Variants in PCDHA13 observed in about 807,000 individuals in gnomAD.
PCDHA13 encodes protocadherin alpha-13.
Under a neutral mutation model 64.8 loss-of-function variants are expected in PCDHA13, and 54 were observed. The observed-to-expected ratio is 0.83, with a 90% CI of 0.67 to 1.04. PCDHA13 has a LOEUF of 1.04. Ranked by LOEUF, PCDHA13 falls within the 50% of genes least tolerant of loss-of-function variation. The probability of loss-of-function intolerance (pLI) is 0.00; values close to 1 mark genes in which losing one functional copy is unlikely to be tolerated. For synonymous variants in PCDHA13, 587 were observed against 564.4 expected (o/e 1.04, Z -0.57); for missense variants, 1,248 against 1,254.3 (o/e 0.99, Z 0.08).
chr5:140,884,734 C>A (rs1198575388), intron 1 of PCDHA13, 72 bp downstream of exon 1: 5 of 1,445,332 alleles, frequency 3.5e-6, no homozygotes, highest in Non-Finnish European at 4.6e-6. Flanking sequence ...TTTAAGACAT[C>A]TTTCCTGCCA....
At chr5:141,009,528 G>A in intron 3 of PCDHA13, 99 bp from the exon 4 acceptor site, 4 of 1,508,216 alleles carry the variant, frequency 2.7e-6, no homozygotes, top group Non-Finnish European at 3.5e-6. Flanking sequence ...TTCTGGGGAG[G>A]TTCAGCCTGC....
intron 1 of PCDHA13, among the ~76,000 whole-genome samples, chr5:140,951,450 C>A: frequency 6.6e-6 from 1 of 151,922 alleles, no homozygotes; most frequent in East Asian, 1.9e-4. Flanking sequence ...ATGATGCCGG[C>A]CATCTGCTTG....
chr5:140,959,525 C>G (rs1356711808), intron 1 of PCDHA13, among the ~76,000 whole-genome samples: 1 of 151,910 alleles, frequency 6.6e-6, no homozygotes, highest in Non-Finnish European at 1.5e-5. Flanking sequence ...TCTTTAAGAC[C>G]ATTAATTCAG....
At chr5:141,002,565 G>A (rs782803550) in intron 3 of PCDHA13, among the ~76,000 whole-genome samples, 9 of 152,196 alleles carry the variant, frequency 5.9e-5, no homozygotes, top group Non-Finnish European at 2.9e-5. Flanking sequence ...ACCAGTTAGT[G>A]ACCATGTGAC....
chr5:140,927,260 T>G, intron 1 of PCDHA13: 2 of 1,614,070 alleles, frequency 1.2e-6, no homozygotes, highest in Non-Finnish European at 1.7e-6. Flanking sequence ...AACTCACCTC[T>G]CTTTCCTGCC....
rs552420407 is a variant in PCDHA13, at chr5:140,883,937, G to A, written c.1669G>A (p.Asp557Asn). Reference sequence around the variant, plus strand: ...CGTGACGCTGCAGGTGTTCGTGCTGGACGAGAACGACAACGCTCCGGCGCT... The same window carrying A: ...CGTGACGCTGCAGGTGTTCGTGCTGAACGAGAACGACAACGCTCCGGCGCT... ...SNVTLQVFVL[D>N]ENDNAPALLT... The change falls in exon 1 of 4, where the codon GAC becomes AAC. Residue 557 changes from aspartate to asparagine, a missense_variant. Physicochemically the swap from Asp to Asn is conservative, Grantham distance 23. Transcript: ENST00000289272. The A allele has an allele frequency of 5.6e-6, 9 of 1,613,414 alleles. 1 individual carries two copies. The South Asian group carries it at 9.9e-5, about 18-fold the overall frequency.
Position 140,882,678 on chromosome 5 carries a change from A to G in PCDHA13, c.410A>G (p.Lys137Arg). The change falls in exon 1 of 4, where the codon AAG becomes AGG. Residue 137 changes from lysine to arginine, a missense_variant. Physicochemically the swap from Lys to Arg is conservative, Grantham distance 26 (BLOSUM62 2). Coordinates refer to ENST00000289272, the MANE Select transcript of PCDHA13 (RefSeq NM_018904.3). Reference protein sequence around the residue: ...NDNPPIFPESKKRIIIAESRP... With the variant: ...NDNPPIFPESRKRIIIAESRP... ...AACCCGCCCATATTCCCTGAAAGCA[A>G]GAAACGAATAATCATTGCAGAATCT... 1 of 1,614,250 alleles carries G rather than the reference A, an allele frequency of 6.2e-7. No individual in the cohort carries two copies. Among genetic ancestry groups the G allele is most frequent in the East Asian group, 2.2e-5 (1 of 44,890 alleles).
At chr5:140,990,736 C>G (rs181451094) in intron 3 of PCDHA13, among the ~76,000 whole-genome samples, 22 of 152,218 alleles carry the variant, frequency 1.4e-4, no homozygotes, top group African/African-American at 5.3e-4. Flanking sequence ...TATCAACAGC[C>G]CTAGGGTGGA....
At chr5:140,994,288 C>G (rs2097610720) in intron 3 of PCDHA13, among the ~76,000 whole-genome samples, 4 of 152,150 alleles carry the variant, frequency 2.6e-5, no homozygotes, top group Admixed American at 6.5e-5. Flanking sequence ...TGAGACAGTC[C>G]CCAGATTGTT....
intron 1 of PCDHA13, among the ~76,000 whole-genome samples, chr5:140,941,270 T>TTTCC (rs1378866749): frequency 2.2e-5 from 3 of 136,668 alleles, no homozygotes; most frequent in Admixed American, 7.6e-5. Context: ...TCTTTCTTTC[T>TTTCC]TTCCTTCCTT....
rs571779587 is a variant in PCDHA13 at position 140,961,550 on chromosome 5, C to CT, written c.2395-17392dup. 1.8e-3 allele frequency among the ~76,000 whole-genome samples: 273 copies of CT among 152,148 alleles called. 1 individual carries two copies. Among genetic ancestry groups the CT allele is most frequent in the Middle Eastern group, 3.4e-3 (1 of 294 alleles). ...TAGATAGACTGTTCCTGCAGCATTT[C>CT]TTTTTTTAAATTTTGTTTTGATAAG... On this transcript the variant is annotated intron_variant, in intron 1 of 3. Transcript: ENST00000289272.
At chr5:140,898,622 A>C (rs1286354840) in intron 1 of PCDHA13, among the ~76,000 whole-genome samples, 1 of 152,172 alleles carries the variant, frequency 6.6e-6, no homozygotes, top group Admixed American at 6.5e-5. Context: ...GTCAGGTAGC[A>C]TAATGCCTCC....
rs1554262551 is a variant in PCDHA13, at chr5:141,009,910, C to T, written c.2826C>T (p.Asn942=). 1 of 1,612,616 alleles carries T rather than the reference C, an allele frequency of 6.2e-7. No individual in the cohort carries two copies. Among genetic ancestry groups the T allele is most frequent in the Middle Eastern group, 1.7e-4 (1 of 6,048 alleles). Residue 942 remains asparagine (N), a synonymous_variant, in exon 4 of 4, where the codon AAC becomes AAT. Transcript: ENST00000289272. ...NKTQEKKEKG[N]STTDNSDQ Reference sequence around the variant, plus strand: ...CCCAGGAGAAAAAAGAGAAAGGGAACAGCACGACTGACAACAGTGACCAGT... The same window carrying T: ...CCCAGGAGAAAAAAGAGAAAGGGAATAGCACGACTGACAACAGTGACCAGT...
intron 1 of PCDHA13, among the ~76,000 whole-genome samples, chr5:140,946,015 G>A (rs246056): frequency 0.57 from 86,078 of 151,518 alleles, 25,094 homozygotes; most frequent in African/African-American, 0.71. Context: ...AAGCTCCTGC[G>A]CAGCAAAGAA....
intron 1 of PCDHA13, among the ~76,000 whole-genome samples, chr5:140,924,027 G>T (rs1458552046): frequency 1.3e-5 from 2 of 152,194 alleles, no homozygotes; most frequent in Non-Finnish European, 2.9e-5. Context: ...TTGGAGGCAT[G>T]GCTGCAGACC....
rs567582281 is a variant in PCDHA13 at position 140,946,595 on chromosome 5, G to C, written c.2395-32354G>C. ...CTTAGGTGTTCATAGTGGATGAATA[G>C]ATAAAGAAAATGTGAAATATATATA... On this transcript the variant is annotated intron_variant, in intron 1 of 3. Transcript: ENST00000289272. Among the ~76,000 whole-genome samples, 13 of 108,580 alleles carry C rather than the reference G, an allele frequency of 1.2e-4. No homozygotes were observed. In the South Asian group the frequency reaches 1.5e-3, roughly 12 times the overall value. 71.2% of individuals were successfully genotyped at this position (108,580 alleles called of 152,430 possible).
chr5:140,960,316 G>A (rs1360755627), intron 1 of PCDHA13, among the ~76,000 whole-genome samples: 1 of 152,066 alleles, frequency 6.6e-6, no homozygotes, highest in African/African-American at 2.4e-5. Flanking sequence ...ACCTCATTAG[G>A]GTCCTGTGAG....
intron 1 of PCDHA13, chr5:140,967,149 C>A (rs781864120): frequency 1.3e-5 from 21 of 1,610,890 alleles, no homozygotes; most frequent in Non-Finnish European, 1.7e-5. Flanking sequence ...GCGCACAACC[C>A]CGTGGCGGTG....
chr5:141,008,265 G>C (rs748504708), intron 3 of PCDHA13, among the ~76,000 whole-genome samples: 4 of 152,200 alleles, frequency 2.6e-5, no homozygotes, highest in Admixed American at 6.5e-5. Flanking sequence ...AGACTGAGAA[G>C]TAATAGGAAA....
Sources: allele counts gnomAD v4.1 joint callset (sites outside exome capture counted in the v4.1 genomes callset), GRCh38; gene constraint gnomAD v4.1.1; transcripts MANE v1.5; gene names NCBI Gene and HGNC (gene_info 2026-07-23, HGNC 2026-07-21).